The following DOCK4 variants were observed in gnomAD, a reference collection of about 807,000 sequenced individuals.
DOCK4 encodes the protein dedicator of cytokinesis 4, also known as dedicator of cytokinesis protein 4.
Under a neutral mutation model 268.1 loss-of-function variants are expected in DOCK4, and 97 were observed. That is an observed-to-expected ratio of 0.36 (90% CI 0.31 to 0.43). DOCK4 has a LOEUF of 0.43. Ranked by LOEUF, DOCK4 falls within the 20% of genes least tolerant of loss-of-function variation. The pLI is 1.00. For synonymous variants in DOCK4, 954 were observed against 887.2 expected, an observed-to-expected ratio of 1.08 and a Z score of -1.34; for missense variants, 2,145 against 2,455.7, an observed-to-expected ratio of 0.87 and a Z score of 2.67.
At chr7:111,766,939 G>A in intron 38 of DOCK4, 93 bp downstream of exon 38, 1 of 969,412 alleles carries the variant, frequency 1.0e-6, no homozygotes, top group Non-Finnish European at 1.6e-6. Flanking sequence ...AAGGGTTTCT[G>A]CAAGACCACA....
At chr7:112,184,060 T>C (rs918686917) in intron 1 of DOCK4, among the ~76,000 whole-genome samples, 2 of 152,218 alleles carry the variant, frequency 1.3e-5, no homozygotes, top group Non-Finnish European at 2.9e-5. Context: ...TGACCCTTTC[T>C]CTGACTTCTC....
chr7:112,152,283 T>C (rs1276457782), intron 1 of DOCK4, among the ~76,000 whole-genome samples: 5 of 152,166 alleles, frequency 3.3e-5, no homozygotes, highest in African/African-American at 1.2e-4. Context: ...AACAAACAGT[T>C]TCAGCACAGC....
intron 36 of DOCK4, among the ~76,000 whole-genome samples, chr7:111,773,296 A>G (rs1393916022): frequency 6.6e-6 from 1 of 152,220 alleles, no homozygotes; most frequent in Admixed American, 6.5e-5. Flanking sequence ...GTCTCCAAGA[A>G]CAGAAATGAA....
At chr7:112,168,833 T>C (rs1441189996) in intron 1 of DOCK4, among the ~76,000 whole-genome samples, 1 of 152,180 alleles carries the variant, frequency 6.6e-6, no homozygotes, top group Non-Finnish European at 1.5e-5. Context: ...AAGGGGAAAA[T>C]CAGGCACATC....
At chr7:111,840,710 C>T in intron 25 of DOCK4, 1 of 931,520 alleles carries the variant, frequency 1.1e-6, no homozygotes, top group Non-Finnish European at 1.4e-6. Context: ...ATGGTGCTTA[C>T]AGAGCACTGG....
At chr7:111,980,099 G>A (rs931535233) in intron 7 of DOCK4, among the ~76,000 whole-genome samples, 6 of 152,118 alleles carry the variant, frequency 3.9e-5, no homozygotes, top group Admixed American at 2.0e-4. Flanking sequence ...TGCATCTTTC[G>A]AGTAATTATG....
Position 111,741,106 on chromosome 7 carries a change from G to T in DOCK4, c.5028C>A (p.Val1676=). The part of the protein sequence containing the change: ...ITGQSESSDE[V]FNMQPSPSTS... ...GCTAATTAAGTACCTGCATGTTAAA[G>T]ACTTCATCAGAGCTTTCTGATTGCC... The change falls in exon 47 of 53, where the codon GTC becomes GTA. Residue 1676 remains valine (V), a synonymous_variant. Transcript: ENST00000428084. The T allele has an allele frequency of 5.0e-6, 8 of 1,613,782 alleles. No individual in the cohort carries two copies. The highest frequency in any genetic ancestry group is 5.9e-6 in the Non-Finnish European group (7 of 1,179,828).
At chr7:112,203,223 C>G (rs1300261528) in intron 1 of DOCK4, among the ~76,000 whole-genome samples, 1 of 152,186 alleles carries the variant, frequency 6.6e-6, no homozygotes, top group Non-Finnish European at 1.5e-5. Context: ...GGTGAAATTG[C>G]CTATCACTGT....
At chr7:112,164,257 T>TGA in intron 1 of DOCK4, among the ~76,000 whole-genome samples, 1 of 151,810 alleles carries the variant, frequency 6.6e-6, no homozygotes, top group East Asian at 1.9e-4. Flanking sequence ...GGTGACAGAG[T>TGA]GAGACCCTGT....
chr7:111,735,912 C>A (rs1795441916), intron 50 of DOCK4, among the ~76,000 whole-genome samples: 3 of 152,272 alleles, frequency 2.0e-5, no homozygotes, highest in African/African-American at 7.2e-5. Flanking sequence ...ACCACTCGAC[C>A]ATTTTCACTT....
chr7:111,905,815 G>A (rs1392427449), intron 13 of DOCK4, among the ~76,000 whole-genome samples: 2 of 151,978 alleles, frequency 1.3e-5, no homozygotes, highest in African/African-American at 2.4e-5. Context: ...AAGAAAATGT[G>A]TAAATGACTT....
chr7:112,150,800 T>C (rs1815985587), intron 1 of DOCK4, among the ~76,000 whole-genome samples: 1 of 152,130 alleles, frequency 6.6e-6, no homozygotes, highest in African/African-American at 2.4e-5. Flanking sequence ...GGTCCCTTCT[T>C]AGGACTTCTA....
intron 1 of DOCK4, among the ~76,000 whole-genome samples, chr7:112,187,979 T>C (rs1381351541): frequency 6.6e-6 from 1 of 152,330 alleles, no homozygotes; most frequent in East Asian, 1.9e-4. Context: ...AAATTGAATA[T>C]AGGGTTTAGT....
Position 112,031,971 on chromosome 7 carries a change from GT to G in DOCK4, c.38-27841del. 1.3e-5 allele frequency among the ~76,000 whole-genome samples: 2 copies of G among 152,198 alleles called. 1 individual carries two copies. Among genetic ancestry groups the G allele is most frequent in the South Asian group, 4.1e-4 (2 of 4,828 alleles). Reference sequence around the variant, plus strand: ...TGTCTACCAAAAAAGAAGGCAGTGGGTTTGCAAGATAAGACTGGTCATTATC... The same window carrying G: ...TGTCTACCAAAAAAGAAGGCAGTGGGTTGCAAGATAAGACTGGTCATTATC... On this transcript the variant is annotated intron_variant, in intron 1 of 52. Transcript: ENST00000428084.
In DOCK4 at chr7:111,754,161, T is replaced by C. The variant is rs1792404334; in HGVS notation, c.4416+1354A>G. 2.0e-5 allele frequency among the ~76,000 whole-genome samples: 3 copies of C among 152,196 alleles called. 1 individual carries two copies. In the South Asian group the frequency reaches 6.2e-4, roughly 32 times the overall value. On this transcript the variant is annotated intron_variant, in intron 42 of 52. Transcript: ENST00000428084. ...AAGCATAATAAGACTTTTTGAGCAC[T>C]GCGTTTAGCAGTCTCCCCACTTCCA...
rs940768555 is a variant in DOCK4, at chr7:112,112,625, T to C, written c.37+93477A>G. Among the ~76,000 whole-genome samples the C allele has an allele frequency of 6.6e-5, 10 of 150,742 alleles. No homozygotes were observed. The South Asian group carries it at 8.4e-4, about 13-fold the overall frequency. On this transcript the variant is annotated intron_variant, in intron 1 of 52. Coordinates refer to ENST00000428084, the MANE Select transcript of DOCK4 (RefSeq NM_001363540.2). ...TGCCACTGCACTCCAGCCTAGGCAA[T>C]AGAGGGAGACTCCAACTCAAAAAAA...
chr7:112,077,679 G>C (rs1808203919), intron 1 of DOCK4, among the ~76,000 whole-genome samples: 1 of 152,032 alleles, frequency 6.6e-6, no homozygotes, highest in Admixed American at 6.6e-5. Flanking sequence ...GCGTGTGTGT[G>C]TTTTTTAACA....
At chr7:112,036,295 G>T (rs978543621) in intron 1 of DOCK4, among the ~76,000 whole-genome samples, 2 of 152,022 alleles carry the variant, frequency 1.3e-5, no homozygotes, top group African/African-American at 2.4e-5. Flanking sequence ...AATCAGACAT[G>T]GAAAAACTGT....
chr7:111,900,624 T>G, intron 14 of DOCK4, 88 bp from the exon 15 acceptor site: 1 of 1,376,352 alleles, frequency 7.3e-7, no homozygotes, highest in Non-Finnish European at 9.9e-7. Context: ...TCTATCTGCC[T>G]GCCTCTCAAA....
Sources: allele counts gnomAD v4.1 joint callset (sites outside exome capture counted in the v4.1 genomes callset), GRCh38; gene constraint gnomAD v4.1.1; transcripts MANE v1.5; gene names NCBI Gene and HGNC (gene_info 2026-07-23, HGNC 2026-07-21).